EBF1: variants seen among roughly 807,000 people sequenced by gnomAD.
The protein encoded by EBF1 is transcription factor COE1.
A neutral mutation model predicts 68.4 loss-of-function variants in EBF1; 10 were observed. The ratio of observed to expected loss-of-function variants is 0.15; its 90% CI spans 0.09 to 0.25. The LOEUF is 0.25. EBF1 is among the 10% of genes least tolerant of loss of function. The pLI, the probability that EBF1 is intolerant of heterozygous loss-of-function variation, is 1.00. For missense variants in EBF1, 509 were observed against 794.4 expected, an observed-to-expected ratio of 0.64 and a Z score of 4.32; for synonymous variants, 298 against 299.8, an observed-to-expected ratio of 0.99 and a Z score of 0.06.
chr5:159,073,288 G>A (rs1468828824), intron 6 of EBF1, 108 bp downstream of exon 6: 2 of 1,176,106 alleles, frequency 1.7e-6, no homozygotes, highest in Non-Finnish European at 2.5e-6. Flanking sequence ...TGACCAACAG[G>A]CAAATTTCAG....
intron 5 of EBF1, among the ~76,000 whole-genome samples, chr5:159,084,111 A>ACC (rs748259232): frequency 6.6e-6 from 1 of 152,062 alleles, no homozygotes; most frequent in South Asian, 2.1e-4. Flanking sequence ...TCTGCGAAGT[A>ACC]TTGGCTACAT....
chr5:159,056,700 T>C (rs570201665), intron 6 of EBF1, among the ~76,000 whole-genome samples: 13 of 152,346 alleles, frequency 8.5e-5, no homozygotes, highest in African/African-American at 3.1e-4. Context: ...TCACTTCCTT[T>C]ATTATTATTT....
chr5:158,772,685 C>T (rs17056205), intron 10 of EBF1, among the ~76,000 whole-genome samples: 12,672 of 152,108 alleles, frequency 0.083, 593 homozygotes, highest in Non-Finnish European at 0.089. Flanking sequence ...AGTTGTGTTA[C>T]TAAAAATCCC....
At position 158,712,324 on chromosome 5, in the gene EBF1, C is replaced by T. The variant is rs2127488859; in HGVS notation, c.1379G>A (p.Arg460His). The change falls in exon 14 of 16, where the codon CGC (arginine) becomes CAC (histidine). Residue 460 changes from arginine (R) to histidine (H), a missense_variant. Around this residue, in one of 3 missense-constraint regions of EBF1, gnomAD observed 205 missense variants for 247.4 expected, o/e 0.83. Transcript: ENST00000313708. ...GTGTGGTGATACGCTGCTTGAGTTG[C>T]GGGTGAAACCTGAGGGGCGGGGGCA... ...ASQATNQGFT[R>H]NSSSVSPHGY... The T allele has an allele frequency of 6.2e-7, 1 of 1,613,482 alleles. No homozygotes were observed. The highest frequency in any genetic ancestry group is 8.5e-7 in the Non-Finnish European group (1 of 1,179,822).
At chr5:158,867,949 T>C (rs1328582526) in intron 6 of EBF1, among the ~76,000 whole-genome samples, 1 of 152,182 alleles carries the variant, frequency 6.6e-6, no homozygotes, top group Non-Finnish European at 1.5e-5. Flanking sequence ...ACTCAGAAGA[T>C]AGCATTACCA....
At chr5:158,912,890 G>T (rs1202196497) in intron 6 of EBF1, among the ~76,000 whole-genome samples, 1 of 152,178 alleles carries the variant, frequency 6.6e-6, no homozygotes, top group East Asian at 1.9e-4. Context: ...TAGTATAGAT[G>T]CTGACCGCAA....
chr5:158,922,101 A>G (rs1364983066), intron 6 of EBF1, among the ~76,000 whole-genome samples: 1 of 152,238 alleles, frequency 6.6e-6, no homozygotes, highest in Non-Finnish European at 1.5e-5. Flanking sequence ...TAATGAAGGC[A>G]TTATTAATTT....
chr5:158,893,681 AATC>A (rs1225333939), intron 6 of EBF1, among the ~76,000 whole-genome samples: 1 of 152,210 alleles, frequency 6.6e-6, no homozygotes, highest in East Asian at 1.9e-4. Context: ...AAGAAAACAA[AATC>A]ACAAAATAGG....
intron 6 of EBF1, among the ~76,000 whole-genome samples, chr5:159,011,998 C>A (rs1764756494): frequency 6.6e-6 from 1 of 152,204 alleles, no homozygotes; most frequent in Non-Finnish European, 1.5e-5. Flanking sequence ...TTAGAAAATG[C>A]TGACATGTGG....
At chr5:158,705,225 C>T (rs1209710188) in intron 15 of EBF1, among the ~76,000 whole-genome samples, 1 of 152,210 alleles carries the variant, frequency 6.6e-6, no homozygotes, top group Non-Finnish European at 1.5e-5. Flanking sequence ...AGGTGATCCA[C>T]CTGCCTCAGC....
intron 6 of EBF1, among the ~76,000 whole-genome samples, chr5:158,881,904 A>G (rs576199024): frequency 8.5e-5 from 13 of 152,274 alleles, no homozygotes; most frequent in African/African-American, 3.1e-4. Flanking sequence ...AGAGCTAAAA[A>G]TGAATCTGTC....
At chr5:158,934,111 G>GGT (rs1025811760) in intron 6 of EBF1, among the ~76,000 whole-genome samples, 1 of 152,138 alleles carries the variant, frequency 6.6e-6, no homozygotes, top group African/African-American at 2.4e-5. Flanking sequence ...AAATGAGAAT[G>GGT]GTGTGTGTGT....
At chr5:158,722,169 TAA>T (rs1762062663) in intron 11 of EBF1, among the ~76,000 whole-genome samples, 1 of 152,192 alleles carries the variant, frequency 6.6e-6, no homozygotes, top group African/African-American at 2.4e-5. Flanking sequence ...CTGATCAGGA[TAA>T]AAGTCTCTGC....
At chr5:159,046,440 C>T (rs1401536293) in intron 6 of EBF1, among the ~76,000 whole-genome samples, 11 of 152,152 alleles carry the variant, frequency 7.2e-5, no homozygotes, top group Admixed American at 7.2e-4. Context: ...TCTACTGTAA[C>T]ATAAGCGGAA....
intron 9 of EBF1, among the ~76,000 whole-genome samples, chr5:158,778,473 C>T (rs998967272): frequency 6.6e-6 from 1 of 152,026 alleles, no homozygotes; most frequent in African/African-American, 2.4e-5. Flanking sequence ...GTATTGAGTC[C>T]ACTGCATACA....
At chr5:159,012,753 C>T (rs1764920010) in intron 6 of EBF1, among the ~76,000 whole-genome samples, 1 of 152,154 alleles carries the variant, frequency 6.6e-6, no homozygotes, top group Admixed American at 6.5e-5. Context: ...CCCAACTTGG[C>T]AACCCAAAGT....
chr5:158,883,703 G>A (rs1799425336), intron 6 of EBF1, among the ~76,000 whole-genome samples: 1 of 152,088 alleles, frequency 6.6e-6, no homozygotes, highest in African/African-American at 2.4e-5. Context: ...AGGTTACGCA[G>A]CTTACTCAAT....
intron 6 of EBF1, among the ~76,000 whole-genome samples, chr5:158,992,679 G>GT (rs1013121878): frequency 1.2e-4 from 18 of 151,610 alleles, no homozygotes; most frequent in South Asian, 4.2e-4. Flanking sequence ...TGTTGCAATT[G>GT]TTTTTTTTGG....
Position 158,934,244 on chromosome 5 carries a change from GTTCC to G in EBF1, c.555-94138_555-94135del, listed in dbSNP as rs368409365. Reference sequence around the variant, plus strand: ...CCATGTGTCATTTATATGCATATTAGTTCCTTCCTTCATTCATTCATTCAACAAC... The same window carrying G: ...CCATGTGTCATTTATATGCATATTAGTTCCTTCATTCATTCATTCAACAAC... On this transcript the variant is annotated intron_variant, in intron 6 of 15. Coordinates refer to ENST00000313708, the MANE Select transcript of EBF1 (RefSeq NM_024007.5). 3.4e-3 allele frequency among the ~76,000 whole-genome samples: 520 copies of G among 152,264 alleles called. 6 individuals are homozygous for G. Among genetic ancestry groups the G allele is most frequent in the African/African-American group, 0.012 (505 of 41,556 alleles).
Sources: gnomAD v4.1 joint callset for allele counts (sites outside exome capture counted in the v4.1 genomes callset) on GRCh38, gnomAD v4.1.1 for gene constraint, gnomAD v4.1.1 regional missense constraint, MANE v1.5 for transcripts, NCBI Gene and HGNC (gene_info 2026-07-23, HGNC 2026-07-21) for gene names.